The following SCAPER variants were observed in gnomAD, a reference collection of about 807,000 sequenced individuals.
The protein encoded by SCAPER is S-phase cyclin A associated protein in the ER, also known as S phase cyclin A-associated protein in the endoplasmic reticulum.
SCAPER carries 98 observed loss-of-function variants against 182.2 expected under a neutral mutation model. The observed-to-expected ratio is 0.54, with a 90% CI of 0.46 to 0.64. The LOEUF (loss-of-function observed/expected upper bound fraction) is 0.64. Ranked by LOEUF, SCAPER falls within the 30% of genes least tolerant of loss-of-function variation. The pLI, the probability that SCAPER is intolerant of heterozygous loss-of-function variation, is 0.00. For missense variants in SCAPER, 1,432 were observed against 1,690.0 expected, an observed-to-expected ratio of 0.85 and a Z score of 2.68; for synonymous variants, 605 against 564.6, an observed-to-expected ratio of 1.07 and a Z score of -1.01.
intron 17 of SCAPER, among the ~76,000 whole-genome samples, chr15:76,720,755 T>C (rs1270954212): frequency 6.6e-6 from 1 of 152,182 alleles, no homozygotes; most frequent in African/African-American, 2.4e-5. Context: ...TCATATCCTT[T>C]GCCCACTTTT....
chr15:76,863,168 T>C (rs2072012966), intron 2 of SCAPER, among the ~76,000 whole-genome samples: 1 of 152,216 alleles, frequency 6.6e-6, no homozygotes, highest in African/African-American at 2.4e-5. Flanking sequence ...CTGTGCCAGC[T>C]GGGAGCCAGG....
At chr15:76,443,781 T>C (rs1353435001) in intron 25 of SCAPER, among the ~76,000 whole-genome samples, 1 of 152,166 alleles carries the variant, frequency 6.6e-6, no homozygotes, top group East Asian at 1.9e-4. Context: ...CAATGGAAAT[T>C]TTAAACAAGG....
intron 23 of SCAPER, among the ~76,000 whole-genome samples, chr15:76,521,545 T>G (rs2042838776): frequency 6.6e-6 from 1 of 152,182 alleles, no homozygotes; most frequent in Non-Finnish European, 1.5e-5. Context: ...ATAGCTGTAG[T>G]TCGGTTATCC....
intron 25 of SCAPER, among the ~76,000 whole-genome samples, chr15:76,451,869 A>G (rs912044490): frequency 6.6e-6 from 1 of 152,196 alleles, no homozygotes; most frequent in Non-Finnish European, 1.5e-5. Context: ...ATGTAAGCTT[A>G]AAGAGGGCAG....
intron 25 of SCAPER, among the ~76,000 whole-genome samples, chr15:76,457,466 C>G (rs1324562028): frequency 6.6e-6 from 1 of 151,890 alleles, no homozygotes; most frequent in Non-Finnish European, 1.5e-5. Flanking sequence ...TCCTTTTTTC[C>G]TTTCTTCTTT....
At chr15:76,493,833 C>T (rs1207421624) in intron 24 of SCAPER, among the ~76,000 whole-genome samples, 1 of 152,136 alleles carries the variant, frequency 6.6e-6, no homozygotes, top group Non-Finnish European at 1.5e-5. Context: ...CTGTAACCAT[C>T]TCTATAAAGC....
rs550583942 is a variant in SCAPER at position 76,618,862 on chromosome 15, T to G, written c.2711+2902A>C. ...CCTTAAATGGCCTTTATTATTATTT[T>G]GAGATGGAGCCTTGCTCTATTGCCT... On this transcript the variant is annotated intron_variant, in intron 22 of 31. Transcript: ENST00000563290. Among the ~76,000 whole-genome samples, 190 of 152,340 alleles carry G rather than the reference T, an allele frequency of 1.2e-3. 1 individual carries two copies. Among genetic ancestry groups the G allele is most frequent in the Non-Finnish European group, 2.4e-3 (160 of 68,028 alleles).
intron 20 of SCAPER, among the ~76,000 whole-genome samples, chr15:76,697,182 T>C (rs1043765193): frequency 5.9e-5 from 9 of 152,276 alleles, no homozygotes; most frequent in African/African-American, 1.9e-4. Flanking sequence ...GTAGAACAAG[T>C]ATGTTTACTA....
At chr15:76,643,434 C>A (rs2054263009) in intron 21 of SCAPER, among the ~76,000 whole-genome samples, 1 of 152,166 alleles carries the variant, frequency 6.6e-6, no homozygotes, top group Admixed American at 6.5e-5. Flanking sequence ...GTAATCCCAG[C>A]ACTTTAGGAG....
In SCAPER at chr15:76,629,475, A is replaced by G. The variant is rs138648676; in HGVS notation, c.2646-7646T>C. Reference sequence around the variant, plus strand: ...TTGAGAGTTTTTGACATGAAGGGATATTGAATTTTATCAACGGCCTTTTCT... The same window carrying G: ...TTGAGAGTTTTTGACATGAAGGGATGTTGAATTTTATCAACGGCCTTTTCT... On this transcript the variant is annotated intron_variant, in intron 21 of 31. Transcript: ENST00000563290. Among the ~76,000 whole-genome samples, 1,518 of 152,278 alleles carry G rather than the reference A, an allele frequency of 1.0e-2. 18 individuals carry two copies. The highest frequency in any genetic ancestry group is 0.035 in the African/African-American group (1,442 of 41,560).
intron 2 of SCAPER, among the ~76,000 whole-genome samples, chr15:76,877,409 TAGTA>T (rs750534482): frequency 8.5e-5 from 13 of 152,198 alleles, no homozygotes; most frequent in South Asian, 4.1e-4. Flanking sequence ...ATTCTAAACC[TAGTA>T]AGTGACAGTT....
Position 76,464,644 on chromosome 15 carries a change from C to G in SCAPER, c.3078+6568G>C, listed in dbSNP as rs558774597. Among the ~76,000 whole-genome samples, 5 of 152,242 alleles carry G rather than the reference C, an allele frequency of 3.3e-5. No individual in the cohort carries two copies. In the South Asian group the frequency reaches 1.0e-3, roughly 32 times the overall value. On this transcript the variant is annotated intron_variant, in intron 25 of 31. Transcript: ENST00000563290. ...ATATGCCACGTTTTCTTTATCCACT[C>G]ATTTGTTGATGAATATTTAGGTATT... is the stretch of plus-strand genomic sequence containing the variant.
chr15:76,565,945 T>C (rs2047004674), intron 23 of SCAPER, among the ~76,000 whole-genome samples: 1 of 152,148 alleles, frequency 6.6e-6, no homozygotes. Flanking sequence ...CTATGTAAGC[T>C]GAGAACATAG....
intron 14 of SCAPER, among the ~76,000 whole-genome samples, chr15:76,760,003 G>A (rs1360176881): frequency 1.3e-5 from 2 of 152,068 alleles, no homozygotes; most frequent in Non-Finnish European, 1.5e-5. Flanking sequence ...TAAGAGATAG[G>A]AAAAACTAAA....
At chr15:76,422,911 C>A (rs1383740682) in intron 26 of SCAPER, among the ~76,000 whole-genome samples, 1 of 152,090 alleles carries the variant, frequency 6.6e-6, no homozygotes, top group Non-Finnish European at 1.5e-5. Context: ...TGTTTATATG[C>A]TGGATTACAT....
intron 23 of SCAPER, among the ~76,000 whole-genome samples, chr15:76,557,218 G>T (rs1198221850): frequency 6.6e-6 from 1 of 151,836 alleles, no homozygotes. Context: ...TCCTATCAAA[G>T]TACCAATGCC....
chr15:76,645,893 T>C (rs1438315055), intron 21 of SCAPER, among the ~76,000 whole-genome samples: 1 of 152,140 alleles, frequency 6.6e-6, no homozygotes. Context: ...AACATTAGAT[T>C]TCACCTCAAA....
chr15:76,629,878 C>T (rs2052939394), intron 21 of SCAPER, among the ~76,000 whole-genome samples: 1 of 152,072 alleles, frequency 6.6e-6, no homozygotes, highest in African/African-American at 2.4e-5. Flanking sequence ...GCTATAAATC[C>T]ATCTGGTCTT....
At chr15:76,800,499 C>CA in intron 6 of SCAPER, 135 bp from the exon 7 acceptor site, 1 of 659,404 alleles carries the variant, frequency 1.5e-6, no homozygotes, top group Non-Finnish European at 2.7e-6. Context: ...ACAACATGTG[C>CA]AAATGTTCCC....
Sources: gnomAD v4.1 joint callset for allele counts (sites outside exome capture counted in the v4.1 genomes callset) on GRCh38, gnomAD v4.1.1 for gene constraint, MANE v1.5 for transcripts, NCBI Gene and HGNC (gene_info 2026-07-23, HGNC 2026-07-21) for gene names.